Variants in ABLIM1 observed in about 807,000 individuals in gnomAD.
ABLIM1 encodes actin-binding LIM protein 1.
A neutral mutation model predicts 107.0 loss-of-function variants in ABLIM1; 40 were observed. The observed-to-expected ratio is 0.37, with a 90% confidence interval of 0.29 to 0.49. The LOEUF (loss-of-function observed/expected upper bound fraction) is 0.49, where lower values mean the gene tolerates loss of function less well. ABLIM1 is among the 20% of genes least tolerant of loss of function. The pLI, the probability that ABLIM1 is intolerant of heterozygous loss-of-function variation, is 0.97. For missense variants in ABLIM1, 857 were observed against 1,008.5 expected (o/e 0.85, Z 2.04); for synonymous variants, 357 against 357.3 (o/e 1.00, Z 0.01).
In ABLIM1 at chr10:114,748,283, T is replaced by C. The variant is rs185544090; in HGVS notation, c.-213+19778A>G. Among the ~76,000 whole-genome samples, 5 of 152,270 alleles carry C rather than the reference T, an allele frequency of 3.3e-5. No homozygotes were observed. The East Asian group carries it at 5.8e-4, about 18-fold the overall frequency. On this transcript the variant is annotated intron_variant, in intron 1 of 15. Transcript: ENST00000651092. ...AATATTTTTGAGTTCTTAAAAAGCA[T>C]ACATAATGGTAAACAGACATGAAAT... is the stretch of plus-strand genomic sequence containing the variant.
intron 17 of ABLIM1, among the ~76,000 whole-genome samples, chr10:114,443,496 A>G (rs905967782): frequency 2.4e-4 from 36 of 151,786 alleles, no homozygotes; most frequent in African/African-American, 8.0e-4. Flanking sequence ...TATTTTTAGT[A>G]TAGATGGGGT....
intron 6 of ABLIM1, among the ~76,000 whole-genome samples, chr10:114,536,460 C>G (rs1186591901): frequency 6.6e-6 from 1 of 151,870 alleles, no homozygotes; most frequent in Non-Finnish European, 1.5e-5. Flanking sequence ...CCTGGCCAGG[C>G]TGGTCTCGAA....
intron 1 of ABLIM1, among the ~76,000 whole-genome samples, chr10:114,719,415 C>T (rs779433381): frequency 6.6e-6 from 1 of 152,208 alleles, no homozygotes; most frequent in Non-Finnish European, 1.5e-5. Context: ...TAAACAGCCA[C>T]ACAAAGGCTT....
At chr10:114,533,762 G>C (rs1014478256) in intron 6 of ABLIM1, among the ~76,000 whole-genome samples, 5 of 152,096 alleles carry the variant, frequency 3.3e-5, no homozygotes, top group African/African-American at 1.2e-4. Flanking sequence ...TTGCAGCTTC[G>C]AACACCTGGG....
intron 17 of ABLIM1, among the ~76,000 whole-genome samples, chr10:114,442,700 C>A (rs975197748): frequency 6.6e-6 from 1 of 152,162 alleles, no homozygotes; most frequent in Non-Finnish European, 1.5e-5. Flanking sequence ...TATGTTAACT[C>A]AATTTCTATA....
chr10:114,727,273 A>C (rs1401868686), intron 1 of ABLIM1, among the ~76,000 whole-genome samples: 2 of 152,244 alleles, frequency 1.3e-5, no homozygotes, highest in Non-Finnish European at 2.9e-5. Flanking sequence ...AATAGTTAAC[A>C]AGATAAAATT....
rs1404600950 is a variant in ABLIM1 at position 114,704,322 on chromosome 10, A to C, written c.-213+63739T>G. The stretch of plus-strand genomic sequence containing the variant: ...TCTCTCTATATATATATATATATAT[A>C]TATATATATATATTGCGCGCGTTAC... On this transcript the variant is annotated intron_variant, in intron 1 of 15. Transcript: ENST00000651092. 9.9e-4 allele frequency among the ~76,000 whole-genome samples: 83 copies of C among 83,640 alleles called. 1 individual carries two copies. Among genetic ancestry groups the C allele is most frequent in the South Asian group, 2.1e-3 (4 of 1,878 alleles). 54.9% of individuals were successfully genotyped at this position (83,640 alleles called of 152,430 possible). A position where few individuals can be genotyped will look rare whatever the true frequency, so the allele number is the denominator to read the frequency against.
intron 2 of ABLIM1, among the ~76,000 whole-genome samples, chr10:114,597,708 G>A (rs1168188578): frequency 6.6e-6 from 1 of 152,188 alleles, no homozygotes; most frequent in Non-Finnish European, 1.5e-5. Context: ...ATTCTGTGCT[G>A]TGACCTCCCA....
At chr10:114,486,613 C>G (rs962614042) in intron 8 of ABLIM1, among the ~76,000 whole-genome samples, 1 of 152,192 alleles carries the variant, frequency 6.6e-6, no homozygotes, top group Non-Finnish European at 1.5e-5. Context: ...CTTCAGGACT[C>G]TGTGTGTCAA....
chr10:114,776,002 T>A, the ABLIM1 span: 1 of 152,152 alleles, frequency 6.6e-6, no homozygotes. Context: ...ACAGTGGACA[T>A]AACGTGGCAT....
At position 114,601,857 on chromosome 10, in the gene ABLIM1, G is replaced by A; in HGVS notation, c.349C>T (p.His117Tyr). 6.2e-7 allele frequency: 1 copy of A among 1,614,198 alleles called. No homozygotes were observed. Among genetic ancestry groups the A allele is most frequent in the South Asian group, 1.1e-5 (1 of 91,088 alleles). ...KGEVLRVQTK[H>Y]FHIKCFTCKV... ...CAGGTGAAACACTTGATGTGGAAAT[G>A]TTTGGTCTGGACCCGAAGCACTTCA... Residue 117 changes from histidine (H) to tyrosine (Y), a missense_variant, in exon 2 of 23, where the codon CAT becomes TAT. His to Tyr is a moderately conservative substitution (Grantham distance 83). Around this residue, in one of 5 missense-constraint regions of ABLIM1, gnomAD observed 176 missense variants for 173.5 expected, o/e 1.01. Transcript: ENST00000533213.
Position 114,707,941 on chromosome 10 carries a change from C to A in ABLIM1, c.-213+60120G>T, listed in dbSNP as rs752701166. On this transcript the variant is annotated intron_variant, in intron 1 of 15. Coordinates refer to the ABLIM1 transcript ENST00000651092. This position sits in a 1 kb window ranked among gnomAD's most constrained non-coding sequence, Gnocchi z 4.1. Reference sequence around the variant, plus strand: ...AACAAACAACAACAACAACAAAAAACCTAATTACCAACAGTTTTCAATTTT... The same window carrying A: ...AACAAACAACAACAACAACAAAAAAACTAATTACCAACAGTTTTCAATTTT... Among the ~76,000 whole-genome samples, 1 of 151,470 alleles carries A rather than the reference C, an allele frequency of 6.6e-6. No homozygotes were observed. Among genetic ancestry groups the A allele is most frequent in the Non-Finnish European group, 1.5e-5 (1 of 67,790 alleles).
intron 2 of ABLIM1, among the ~76,000 whole-genome samples, chr10:114,590,121 C>T (rs1424911809): frequency 1.3e-5 from 2 of 152,126 alleles, no homozygotes; most frequent in African/African-American, 4.8e-5. Flanking sequence ...TGTCCAGTAA[C>T]ATGCTATACA....
In ABLIM1 at chr10:114,601,846, G is replaced by A. The variant is rs1193683189; in HGVS notation, c.360C>T (p.Ile120=). 1 of 1,614,204 alleles carries A rather than the reference G, an allele frequency of 6.2e-7. No homozygotes were observed. The highest frequency in any genetic ancestry group is 8.5e-7 in the Non-Finnish European group (1 of 1,180,044). The change falls in exon 2 of 23, where the codon ATC becomes ATT. Residue 120 remains isoleucine, a synonymous_variant. Coordinates refer to ENST00000533213, the MANE Select transcript of ABLIM1 (RefSeq NM_002313.7). Reference sequence around the variant, plus strand: ...CCATACCTTTGCAGGTGAAACACTTGATGTGGAAATGTTTGGTCTGGACCC... The same window carrying A: ...CCATACCTTTGCAGGTGAAACACTTAATGTGGAAATGTTTGGTCTGGACCC... ...VLRVQTKHFH[I]KCFTCKVCGC...
chr10:114,547,837 G>A lies in ABLIM1; in HGVS notation c.674-61C>T. On this transcript the variant is annotated intron_variant, in intron 4 of 22. Transcript: ENST00000533213. ...TTCCTTTGCTAAATCCAAGCAGGCAGCCCAATTTCAACCCCACTGTGTGCC... is the reference window on the plus strand; with the variant it reads ...TTCCTTTGCTAAATCCAAGCAGGCAACCCAATTTCAACCCCACTGTGTGCC... 7 of 1,580,700 alleles carry A rather than the reference G, an allele frequency of 4.4e-6. No individual in the cohort carries two copies. In the South Asian group the frequency reaches 7.9e-5, roughly 18 times the overall value.
rs370813879 is a variant in ABLIM1, at chr10:114,491,807, C to T, written c.966G>A (p.Glu322=). ...CCACCTCACCTTGAAGATACATTTC[C>T]TCTCCTTCTGTGAACATCTGGTTGC... ...SRCNQMFTEG[E]EMYLQGSTVW... is the part of the protein sequence containing the mutation. The change falls in exon 7 of 23, where the codon GAG becomes GAA. Residue 322 remains glutamate (E), a synonymous_variant. Transcript: ENST00000533213. 1,770 of 1,611,310 alleles carry T rather than the reference C, an allele frequency of 1.1e-3. 31 individuals carry two copies. The South Asian group carries it at 0.018, about 17-fold the overall frequency.
At chr10:114,718,098 A>AGG (rs1355495011) in intron 1 of ABLIM1, among the ~76,000 whole-genome samples, 1 of 41,826 alleles carries the variant, frequency 2.4e-5, no homozygotes, top group Non-Finnish European at 6.8e-5. Context: ...AGGAAGGAAA[A>AGG]GAAAAAGAAA....
chr10:114,458,021 C>T (rs927100826), intron 12 of ABLIM1, among the ~76,000 whole-genome samples: 1 of 151,702 alleles, frequency 6.6e-6, no homozygotes, highest in Non-Finnish European at 1.5e-5. Context: ...TGCAGTGAGC[C>T]GAAATTGCAC....
At chr10:114,568,073 C>T (rs555216456) in intron 4 of ABLIM1, among the ~76,000 whole-genome samples, 2 of 151,210 alleles carry the variant, frequency 1.3e-5, no homozygotes, top group Admixed American at 1.3e-4. Context: ...GCCTGTAGTC[C>T]CAGCTACTCG....
Sources: allele counts gnomAD v4.1 joint callset (sites outside exome capture counted in the v4.1 genomes callset), GRCh38; gene constraint gnomAD v4.1.1; regional missense constraint gnomAD v4.1.1; non-coding constraint Gnocchi (gnomAD v3.1); transcripts MANE v1.5; gene names NCBI Gene and HGNC (gene_info 2026-07-23, HGNC 2026-07-21).